The following CACNA1C variants were observed in gnomAD, a reference collection of about 807,000 sequenced individuals.
CACNA1C encodes the protein voltage-dependent L-type calcium channel subunit alpha-1C.
A neutral mutation model predicts 229.0 loss-of-function variants in CACNA1C; 30 were observed. The observed-to-expected ratio is 0.13, with a 90% CI of 0.10 to 0.18. CACNA1C has a LOEUF of 0.18. Ranked by LOEUF, CACNA1C falls within the 10% of genes least tolerant of loss-of-function variation. CACNA1C has a pLI of 1.00. For missense variants in CACNA1C, 1,658 were observed against 2,845.0 expected (o/e 0.58, Z 9.49); for synonymous variants, 1,114 against 1,132.5 (o/e 0.98, Z 0.33).
chr12:2,439,463 T>C (rs928658053), intron 3 of CACNA1C, among the ~76,000 whole-genome samples: 5 of 152,118 alleles, frequency 3.3e-5, no homozygotes, highest in Non-Finnish European at 5.9e-5. Context: ...CACAGGCACA[T>C]GTCTTGGCTG....
At position 2,666,664 on chromosome 12, in the gene CACNA1C, C is replaced by T. The variant is rs1486582819; in HGVS notation, c.4527-22C>T. On this transcript the variant is annotated intron_variant, in intron 36 of 46. Transcript: ENST00000399655. The surrounding 1 kb of genome is among the most constrained non-coding windows in gnomAD (Gnocchi z 5.3). ...GACCGTGGCTCTCTGATGCCCTGTCCCTCCTCTCCCTCCTCTTCTAGGGGT... is the reference window on the plus strand; with the variant it reads ...GACCGTGGCTCTCTGATGCCCTGTCTCTCCTCTCCCTCCTCTTCTAGGGGT... The T allele has an allele frequency of 2.6e-6, 4 of 1,510,252 alleles. No individual in the cohort carries two copies. The highest frequency in any genetic ancestry group is 2.4e-5 in the South Asian group (2 of 83,874). 93.6% of individuals were successfully genotyped at this position (1,510,252 alleles called of 1,614,324 possible). A position where few individuals can be genotyped will look rare whatever the true frequency, so the allele number is the denominator to read the frequency against.
chr12:2,058,333 G>A (rs181776285), intron 1 of CACNA1C, among the ~76,000 whole-genome samples: 2,215 of 152,336 alleles, frequency 0.015, 198 homozygotes, highest in Admixed American at 0.13. Flanking sequence ...TCAGTGCTGA[G>A]CATTCAGATT....
intron 3 of CACNA1C, among the ~76,000 whole-genome samples, chr12:2,171,121 C>T (rs940916602): frequency 1.3e-4 from 20 of 152,102 alleles, no homozygotes; most frequent in Admixed American, 7.2e-4. Flanking sequence ...GAGGTGGACT[C>T]GGGTCTGGAA....
intron 3 of CACNA1C, among the ~76,000 whole-genome samples, chr12:2,307,192 A>G (rs916909102): frequency 1.3e-5 from 2 of 152,210 alleles, no homozygotes; most frequent in Admixed American, 6.5e-5. Flanking sequence ...ATTGGCCCAG[A>G]GGACTCAGAG....
At position 2,585,880 on chromosome 12, in the gene CACNA1C, C is replaced by T. The variant is rs1042919299; in HGVS notation, c.2506C>T (p.Pro836Ser). 5.0e-6 allele frequency: 8 copies of T among 1,605,578 alleles called. No individual in the cohort carries two copies. The highest frequency in any genetic ancestry group is 1.3e-5 in the African/African-American group (1 of 74,648). Residue 836 changes from proline to serine, a missense_variant, in exon 18 of 47, where the codon CCC (proline) becomes TCC (serine). Physicochemically the swap from Pro to Ser is moderately conservative, Grantham distance 74. Around this residue, in one of 20 missense-constraint regions of CACNA1C, gnomAD observed 121 missense variants for 128.8 expected, o/e 0.94. Coordinates refer to ENST00000399655, the MANE Select transcript of CACNA1C (RefSeq NM_000719.7). This position sits in a 1 kb window ranked among gnomAD's most constrained non-coding sequence, Gnocchi z 4.1. ...GCCCAATGAAAATGAGGATAAGAGC[C>T]CCTACCCCAACCCAGAAACTACAGG... ...LQPNENEDKS[P>S]YPNPETTGEE...
At chr12:2,374,506 C>T (rs529117427) in intron 3 of CACNA1C, among the ~76,000 whole-genome samples, 55 of 152,352 alleles carry the variant, frequency 3.6e-4, no homozygotes, top group Non-Finnish European at 6.2e-4. Context: ...TCACAGCCCA[C>T]GCCACATTGG....
chr12:2,649,710 A>C lies in CACNA1C; in HGVS notation c.3945+1203A>C, dbSNP rs900024938. On this transcript the variant is annotated intron_variant, in intron 31 of 46. Transcript: ENST00000399655. The surrounding 1 kb of genome is among the most constrained non-coding windows in gnomAD (Gnocchi z 4.4). Reference sequence around the variant, plus strand: ...TTTTGTTTGTTTATTTTGTTTTTTTAACTGAGCAGATCCAGATGCCCCTGT... The same window carrying C: ...TTTTGTTTGTTTATTTTGTTTTTTTCACTGAGCAGATCCAGATGCCCCTGT... 2.0e-5 allele frequency among the ~76,000 whole-genome samples: 3 copies of C among 151,778 alleles called. No homozygotes were observed. The highest frequency in any genetic ancestry group is 4.4e-5 in the Non-Finnish European group (3 of 67,964).
At chr12:2,101,627 GA>G (rs2076449387) in intron 1 of CACNA1C, among the ~76,000 whole-genome samples, 1 of 152,170 alleles carries the variant, frequency 6.6e-6, no homozygotes, top group Non-Finnish European at 1.5e-5. Context: ...CGTGACCCAC[GA>G]GGCTGGGTGT....
At chr12:2,561,072 A>T (rs776705316) in intron 11 of CACNA1C, among the ~76,000 whole-genome samples, 1 of 152,092 alleles carries the variant, frequency 6.6e-6, no homozygotes, top group Non-Finnish European at 1.5e-5. Flanking sequence ...GAGGTAGTAC[A>T]TTTGCGTAGA....
At chr12:2,232,227 G>GTTTTTTTTTTTTTTTTTTTTTTT (rs1169407536) in intron 3 of CACNA1C, among the ~76,000 whole-genome samples, 10 of 73,556 alleles carry the variant, frequency 1.4e-4, no homozygotes, top group Non-Finnish European at 1.6e-4. Flanking sequence ...GTCTTTCCTT[G>GTTTTTTTTTTTTTTTTTTTTTTT]TTTTTTTTTT....
intron 28 of CACNA1C, 147 bp from the exon 29 acceptor site, chr12:2,611,756 C>T (rs888819591): frequency 2.2e-5 from 13 of 603,284 alleles, no homozygotes; most frequent in African/African-American, 3.7e-5. Flanking sequence ...CTCCTGACTG[C>T]CCACGGAGAG....
At chr12:2,079,954 G>A (rs1169512080) in intron 1 of CACNA1C, among the ~76,000 whole-genome samples, 1 of 152,146 alleles carries the variant, frequency 6.6e-6, no homozygotes, top group Non-Finnish European at 1.5e-5. Context: ...GACAATTTGA[G>A]GAGAATATAA....
rs111641228 is a variant in CACNA1C, at chr12:2,021,910, G to A, written c.139+50709G>A. Among the ~76,000 whole-genome samples, 1,292 of 152,288 alleles carry A rather than the reference G, an allele frequency of 8.5e-3. 12 individuals carry two copies. Among genetic ancestry groups the A allele is most frequent in the Non-Finnish European group, 0.014 (974 of 68,000 alleles). On this transcript the variant is annotated intron_variant, in intron 1 of 46. Transcript: ENST00000682462. Reference sequence around the variant, plus strand: ...CCAACATTATTGCATTGGGGGTTAAGTTTCCAACACATACGTTTCGGGGGA... The same window carrying A: ...CCAACATTATTGCATTGGGGGTTAAATTTCCAACACATACGTTTCGGGGGA...
At chr12:2,328,885 G>A (rs1180824827) in intron 3 of CACNA1C, among the ~76,000 whole-genome samples, 1 of 152,244 alleles carries the variant, frequency 6.6e-6, no homozygotes, top group East Asian at 1.9e-4. Context: ...AGCCTCCACA[G>A]AATGACTAAG....
chr12:2,378,068 C>G (rs2098127021), intron 3 of CACNA1C, among the ~76,000 whole-genome samples: 1 of 152,180 alleles, frequency 6.6e-6, no homozygotes, highest in African/African-American at 2.4e-5. Flanking sequence ...GTCATGACTT[C>G]TCTTCTGCCA....
At chr12:2,286,295 C>G (rs1287204961) in intron 3 of CACNA1C, among the ~76,000 whole-genome samples, 1 of 152,180 alleles carries the variant, frequency 6.6e-6, no homozygotes, top group Non-Finnish European at 1.5e-5. Flanking sequence ...GAGTAGGAAG[C>G]AAGAACCTTA....
chr12:2,322,730 G>T lies in CACNA1C; in HGVS notation c.478-126246G>T, dbSNP rs547358865. Among the ~76,000 whole-genome samples the T allele has an allele frequency of 1.6e-4, 25 of 152,306 alleles. 1 individual carries two copies. In the South Asian group the frequency reaches 5.2e-3, roughly 32 times the overall value. On this transcript the variant is annotated intron_variant, in intron 3 of 46. Transcript: ENST00000399655. ...TGCCGCGTTGCACGGCAGTTATGCTGTGGCATTGCCACCTGCCAGCTTGCC... is the reference window on the plus strand; with the variant it reads ...TGCCGCGTTGCACGGCAGTTATGCTTTGGCATTGCCACCTGCCAGCTTGCC...
chr12:2,683,249 A>G (rs35478876), intron 43 of CACNA1C, among the ~76,000 whole-genome samples: 6,540 of 152,296 alleles, frequency 0.043, 246 homozygotes, highest in East Asian at 0.12. Flanking sequence ...GCACAGCACA[A>G]TATCAGAAAC....
intron 15 of CACNA1C, 76 bp downstream of exon 15, chr12:2,583,018 C>A: frequency 8.7e-7 from 1 of 1,150,642 alleles, no homozygotes; most frequent in Non-Finnish European, 1.3e-6. Context: ...CGGGCACGCC[C>A]CTCAGGTCCG....
Sources: allele counts gnomAD v4.1 joint callset (sites outside exome capture counted in the v4.1 genomes callset), GRCh38; gene constraint gnomAD v4.1.1; regional missense constraint gnomAD v4.1.1; non-coding constraint Gnocchi (gnomAD v3.1); transcripts MANE v1.5; gene names NCBI Gene and HGNC (gene_info 2026-07-23, HGNC 2026-07-21).